TRANK1: variants seen among roughly 807,000 people sequenced by gnomAD.
TRANK1 encodes the protein TPR and ankyrin repeat-containing protein 1.
Under a neutral mutation model 266.0 loss-of-function variants are expected in TRANK1, and 198 were observed. The observed-to-expected ratio is 0.74, with a 90% CI of 0.66 to 0.84. The LOEUF (loss-of-function observed/expected upper bound fraction) is 0.84, where lower values mean the gene tolerates loss of function less well. Among genes scored for constraint, TRANK1 ranks in the 40% least tolerant of loss-of-function variants. The probability of loss-of-function intolerance (pLI) is 0.00; values close to 1 mark genes in which losing one functional copy is unlikely to be tolerated. For missense variants in TRANK1, 3,326 were observed against 3,634.6 expected, an observed-to-expected ratio of 0.92 and a Z score of 2.18; for synonymous variants, 1,396 against 1,384.1, an observed-to-expected ratio of 1.01 and a Z score of -0.19.
intron 8 of TRANK1, chr3:36,880,105 A>T (rs951733585): frequency 1.4e-5 from 2 of 143,758 alleles, no homozygotes; most frequent in African/African-American, 5.7e-5. Flanking sequence ...AATATATATA[A>T]ACATATATAA....
intron 3 of TRANK1, among the ~76,000 whole-genome samples, chr3:36,902,423 T>C (rs1308311831): frequency 1.3e-5 from 2 of 152,246 alleles, no homozygotes; most frequent in Non-Finnish European, 2.9e-5. Context: ...TTAAGGCCTC[T>C]GAATGTAGTG....
At chr3:36,897,261 C>T (rs552273148) in intron 4 of TRANK1, among the ~76,000 whole-genome samples, 61 of 152,186 alleles carry the variant, frequency 4.0e-4, no homozygotes, top group African/African-American at 1.3e-3. Context: ...GCCTAGATTG[C>T]GCCACTGCAC....
chr3:36,873,424 A>G (rs1343286843), intron 9 of TRANK1, among the ~76,000 whole-genome samples: 1 of 152,226 alleles, frequency 6.6e-6, no homozygotes, highest in Non-Finnish European at 1.5e-5. Flanking sequence ...TGAGATGCTT[A>G]AAGAGTATCA....
At chr3:36,899,845 T>C (rs974646844) in intron 3 of TRANK1, among the ~76,000 whole-genome samples, 2 of 152,222 alleles carry the variant, frequency 1.3e-5, no homozygotes. Context: ...CGTCTCTGGT[T>C]GGTTGGTTTG....
chr3:36,924,734 G>A (rs771401550), intron 1 of TRANK1, among the ~76,000 whole-genome samples: 3 of 152,000 alleles, frequency 2.0e-5, no homozygotes, highest in Non-Finnish European at 4.4e-5. Context: ...CCACCGGTGC[G>A]AAAGGCCAGG....
Position 36,833,747 on chromosome 3 carries a change from G to A in TRANK1, c.5836C>T (p.Arg1946Trp), listed in dbSNP as rs762592770. ...TCTGCAGCTTCTGCTAAGCGTTTCC[G>A]AGACTTCAAGAACACCAGCTGGTCT... Reference protein sequence around the residue: ...IEDQLVFLKSRKRLAEAADLL... With the variant: ...IEDQLVFLKSWKRLAEAADLL... The change falls in exon 22 of 24, where the codon CGG (arginine) becomes TGG (tryptophan). Residue 1946 changes from arginine (R) to tryptophan (W), a missense_variant. By Grantham distance (101) the Arg-to-Trp change is moderately radical (BLOSUM62 -3). Coordinates refer to ENST00000645898, the MANE Select transcript of TRANK1 (RefSeq NM_001329998.2). The A allele has an allele frequency of 7.4e-6, 12 of 1,613,840 alleles. No homozygotes were observed. The highest frequency in any genetic ancestry group is 2.2e-5 in the East Asian group (1 of 44,890).
rs1484650832 is a variant in TRANK1 at position 36,903,210 on chromosome 3, T to C, written c.221A>G (p.Lys74Arg). The C allele has an allele frequency of 3.3e-6, 5 of 1,537,346 alleles. No homozygotes were observed. The highest frequency in any genetic ancestry group is 4.4e-6 in the Non-Finnish European group (5 of 1,146,926). Residue 74 changes from lysine (K) to arginine (R), a missense_variant, in exon 3 of 24, where the codon AAG (lysine) becomes AGG (arginine). Transcript: ENST00000645898. The stretch of plus-strand genomic sequence containing the variant: ...GGCAGCAACAAATGCCTCATTCCAC[T>C]TCCCAAGGCTGAAAAATGCATTTGA... ...NKSNAFFSLG[K>R]WNEAFVAAKE... is the part of the protein sequence containing the mutation.
At chr3:36,900,830 T>A (rs1325420826) in intron 3 of TRANK1, among the ~76,000 whole-genome samples, 3 of 84,958 alleles carry the variant, frequency 3.5e-5, no homozygotes, top group Non-Finnish European at 7.0e-5. Flanking sequence ...CCAGCCTGGG[T>A]GACAAAGCAA....
Position 36,852,291 on chromosome 3 carries a change from T to G in TRANK1, c.4604A>C (p.Glu1535Ala). ...ATCCCTTGGAAGGCGATCAAAAGAT[T>G]CTGGGAAATAGAACTGAAGTAAATC... is the stretch of plus-strand genomic sequence containing the variant. ...VVDLLQFYFP[E>A]SFDRLPRDSG... The change falls in exon 14 of 24, where the codon GAA becomes GCA. Residue 1535 changes from glutamate to alanine, a missense_variant. By Grantham distance (107) the Glu-to-Ala change is moderately radical (BLOSUM62 -1). Transcript: ENST00000645898. The G allele has an allele frequency of 6.2e-7, 1 of 1,611,168 alleles. No individual in the cohort carries two copies. The highest frequency in any genetic ancestry group is 8.5e-7 in the Non-Finnish European group (1 of 1,178,766).
Position 36,856,651 on chromosome 3 carries a change from T to C in TRANK1, c.3071A>G (p.Tyr1024Cys), listed in dbSNP as rs926143595. The C allele has an allele frequency of 1.2e-6, 2 of 1,614,078 alleles. No individual in the cohort carries two copies. The highest frequency in any genetic ancestry group is 1.7e-6 in the Non-Finnish European group (2 of 1,179,906). The change falls in exon 13 of 24, where the codon TAT becomes TGT. Residue 1024 changes from tyrosine to cysteine, a missense_variant. Tyr to Cys is a radical substitution (Grantham distance 194). Coordinates refer to ENST00000645898, the MANE Select transcript of TRANK1 (RefSeq NM_001329998.2). Reference sequence around the variant, plus strand: ...GAAGCTGTGGAACTTCATGATGTTATATTCTGTCTCCACTGCACTGGCTGG... The same window carrying C: ...GAAGCTGTGGAACTTCATGATGTTACATTCTGTCTCCACTGCACTGGCTGG... The part of the protein sequence containing the change: ...FPPASAVETE[Y>C]NIMKFHSFST...
chr3:36,832,373 G>C lies in TRANK1; in HGVS notation c.7210C>G (p.Leu2404Val). 6.2e-7 allele frequency: 1 copy of C among 1,613,994 alleles called. No homozygotes were observed. Among genetic ancestry groups the C allele is most frequent in the Non-Finnish European group, 8.5e-7 (1 of 1,179,894 alleles). Residue 2404 changes from leucine (L) to valine (V), a missense_variant, in exon 22 of 24, where the codon CTG becomes GTG. Coordinates refer to ENST00000645898, the MANE Select transcript of TRANK1 (RefSeq NM_001329998.2). Reference protein sequence around the residue: ...RDDENMDKTHLCFIRLLENCI... With the variant: ...RDDENMDKTHVCFIRLLENCI... Reference sequence around the variant, plus strand: ...TTCTCCAGAAGCCGGATGAAGCACAGGTGGGTCTTGTCCATATTTTCATCA... The same window carrying C: ...TTCTCCAGAAGCCGGATGAAGCACACGTGGGTCTTGTCCATATTTTCATCA...
intron 1 of TRANK1, among the ~76,000 whole-genome samples, chr3:36,915,986 T>A (rs1439490488): frequency 4.6e-5 from 7 of 152,172 alleles, no homozygotes; most frequent in Admixed American, 2.0e-4. Flanking sequence ...TGATGGATCT[T>A]GAAGGCCATC....
Position 36,832,386 on chromosome 3 carries a change from C to T in TRANK1, c.7197G>A (p.Met2399Ile), listed in dbSNP as rs1244753873. The change falls in exon 22 of 24, where the codon ATG becomes ATA. Residue 2399 changes from methionine to isoleucine, a missense_variant. Coordinates refer to ENST00000645898, the MANE Select transcript of TRANK1 (RefSeq NM_001329998.2). ...MLAPNRDDENMDKTHLCFIRL... is the reference protein window; with the variant it reads ...MLAPNRDDENIDKTHLCFIRL... ...GGATGAAGCACAGGTGGGTCTTGTC[C>T]ATATTTTCATCATCCCTGTTGGGTG... 13 of 1,613,866 alleles carry T rather than the reference C, an allele frequency of 8.1e-6. No individual in the cohort carries two copies. Among genetic ancestry groups the T allele is most frequent in the Non-Finnish European group, 1.0e-5 (12 of 1,179,892 alleles).
rs138933181 is a variant in TRANK1 at position 36,919,095 on chromosome 3, G to T, written c.24-10641C>A. On this transcript the variant is annotated intron_variant, in intron 1 of 23. Coordinates refer to ENST00000645898, the MANE Select transcript of TRANK1 (RefSeq NM_001329998.2). ...ATTACTGTGCAATATTAACAAAGAC[G>T]TACAGTAGAGGTCTGTCATATCCCA... Among the ~76,000 whole-genome samples, 4 of 152,288 alleles carry T rather than the reference G, an allele frequency of 2.6e-5. No individual in the cohort carries two copies. The South Asian group carries it at 6.2e-4, about 24-fold the overall frequency.
chr3:36,895,410 T>C (rs2079774226), intron 5 of TRANK1, among the ~76,000 whole-genome samples: 1 of 152,254 alleles, frequency 6.6e-6, no homozygotes, highest in Non-Finnish European at 1.5e-5. Flanking sequence ...TACATTTCTT[T>C]GATGACAGTG....
At chr3:36,910,539 A>C (rs1420354740) in intron 1 of TRANK1, among the ~76,000 whole-genome samples, 1 of 152,036 alleles carries the variant, frequency 6.6e-6, no homozygotes, top group African/African-American at 2.4e-5. Flanking sequence ...CAGGAGTTCG[A>C]GTCCAGCCTG....
At chr3:36,849,632 T>C (rs1382959490) in intron 15 of TRANK1, among the ~76,000 whole-genome samples, 1 of 152,140 alleles carries the variant, frequency 6.6e-6, no homozygotes. Context: ...CAAATAGCAA[T>C]CACTGTTCAG....
intron 1 of TRANK1, among the ~76,000 whole-genome samples, chr3:36,919,765 A>C (rs1434925418): frequency 6.6e-6 from 1 of 152,210 alleles, no homozygotes; most frequent in Non-Finnish European, 1.5e-5. Flanking sequence ...ACATTTGTCA[A>C]TTCTGCGCAC....
chr3:36,828,432 A>G (rs1473209614), intron 23 of TRANK1, 57 bp from the exon 24 acceptor site: 2 of 810,092 alleles, frequency 2.5e-6, no homozygotes, highest in East Asian at 5.4e-5. Flanking sequence ...GAGGGAGGGA[A>G]GGAAAGAAGG....
Sources: gnomAD v4.1 joint callset for allele counts (sites outside exome capture counted in the v4.1 genomes callset) on GRCh38, gnomAD v4.1.1 for gene constraint, MANE v1.5 for transcripts, NCBI Gene and HGNC (gene_info 2026-07-23, HGNC 2026-07-21) for gene names.